CNTNAP2: variants seen among roughly 807,000 people sequenced by gnomAD.
CNTNAP2 encodes contactin-associated protein-like 2.
CNTNAP2 carries 98 observed loss-of-function variants against 155.2 expected under a neutral mutation model. The observed-to-expected ratio is 0.63, with a 90% CI of 0.54 to 0.75. The LOEUF is 0.75. CNTNAP2 is among the 30% of genes least tolerant of loss of function. The probability of loss-of-function intolerance (pLI) is 0.00; values close to 1 mark genes in which losing one functional copy is unlikely to be tolerated. For synonymous variants in CNTNAP2, 651 were observed against 631.2 expected (o/e 1.03, Z -0.47); for missense variants, 1,727 against 1,688.1 (o/e 1.02, Z -0.40).
chr7:148,402,237 A>C (rs1446099517), intron 22 of CNTNAP2, among the ~76,000 whole-genome samples: 1 of 152,260 alleles, frequency 6.6e-6, no homozygotes, highest in Non-Finnish European at 1.5e-5. Flanking sequence ...CTGGAAATGT[A>C]AAGCTTGTTT....
At chr7:146,984,636 C>G (rs556155919) in intron 3 of CNTNAP2, among the ~76,000 whole-genome samples, 1 of 152,248 alleles carries the variant, frequency 6.6e-6, no homozygotes, top group African/African-American at 2.4e-5. Context: ...TCCTACATCT[C>G]CACGGCAAGG....
At chr7:146,885,882 C>G (rs1795646325) in intron 3 of CNTNAP2, among the ~76,000 whole-genome samples, 1 of 150,924 alleles carries the variant, frequency 6.6e-6, no homozygotes, top group Non-Finnish European at 1.5e-5. Flanking sequence ...CAGGATAGAA[C>G]TTGTCGTGTT....
In CNTNAP2 at chr7:148,055,312, G is replaced by C. The variant is rs551853268; in HGVS notation, c.2384-62806G>C. Among the ~76,000 whole-genome samples, 149 of 152,218 alleles carry C rather than the reference G, an allele frequency of 9.8e-4. 1 individual carries two copies. Among genetic ancestry groups the C allele is most frequent in the African/African-American group, 3.6e-3 (149 of 41,538 alleles). On this transcript the variant is annotated intron_variant, in intron 15 of 23. Coordinates refer to ENST00000361727, the MANE Select transcript of CNTNAP2 (RefSeq NM_014141.6). Reference sequence around the variant, plus strand: ...TGATGGTAACTGATCACTAACTTTTGAAGTGCGTTGGGTTGGACTCAGTAA... The same window carrying C: ...TGATGGTAACTGATCACTAACTTTTCAAGTGCGTTGGGTTGGACTCAGTAA...
At chr7:147,023,063 A>G (rs1798842988) in intron 3 of CNTNAP2, among the ~76,000 whole-genome samples, 1 of 152,200 alleles carries the variant, frequency 6.6e-6, no homozygotes, top group Non-Finnish European at 1.5e-5. Flanking sequence ...TACAGGGTTC[A>G]GGGTTCCTTG....
intron 1 of CNTNAP2, among the ~76,000 whole-genome samples, chr7:146,399,531 C>T (rs1002634617): frequency 6.6e-6 from 1 of 152,132 alleles, no homozygotes; most frequent in Non-Finnish European, 1.5e-5. Context: ...GAAGATTATT[C>T]CACTGTGTAT....
chr7:146,777,839 G>A (rs1017224183), intron 2 of CNTNAP2, among the ~76,000 whole-genome samples: 6 of 152,116 alleles, frequency 3.9e-5, no homozygotes, highest in Non-Finnish European at 8.8e-5. Flanking sequence ...TGGGAGAAGA[G>A]CCATGTAGGG....
intron 3 of CNTNAP2, among the ~76,000 whole-genome samples, chr7:146,995,580 T>C (rs1798293433): frequency 6.6e-6 from 1 of 152,126 alleles, no homozygotes; most frequent in Non-Finnish European, 1.5e-5. Context: ...ATTGCTGTGA[T>C]GAATAATGAT....
chr7:147,468,740 G>A (rs1237449675), intron 10 of CNTNAP2, among the ~76,000 whole-genome samples: 1 of 152,146 alleles, frequency 6.6e-6, no homozygotes, highest in Non-Finnish European at 1.5e-5. Flanking sequence ...TAGAAAAATG[G>A]TTCTGAAACA....
At chr7:147,666,893 G>A (rs1795705305) in intron 13 of CNTNAP2, among the ~76,000 whole-genome samples, 1 of 152,156 alleles carries the variant, frequency 6.6e-6, no homozygotes, top group Admixed American at 6.5e-5. Flanking sequence ...ACAAAATGAT[G>A]GAAGCTGAAA....
intron 1 of CNTNAP2, among the ~76,000 whole-genome samples, chr7:146,596,687 A>C (rs1327765530): frequency 1.4e-5 from 2 of 138,428 alleles, no homozygotes; most frequent in African/African-American, 2.5e-5. Flanking sequence ...ATTCATCACT[A>C]TAACAGTAGT....
intron 1 of CNTNAP2, among the ~76,000 whole-genome samples, chr7:146,305,310 C>T (rs1190169483): frequency 2.0e-5 from 3 of 152,102 alleles, no homozygotes; most frequent in South Asian, 2.1e-4. Context: ...AGTTTTGTTC[C>T]GTTGCTGGCG....
intron 8 of CNTNAP2, among the ~76,000 whole-genome samples, chr7:147,213,480 T>C (rs1056298767): frequency 6.6e-6 from 1 of 152,040 alleles, no homozygotes; most frequent in African/African-American, 2.4e-5. Flanking sequence ...ATCATGTTAG[T>C]ATTATTGCAA....
At chr7:147,800,813 C>T (rs1303362489) in intron 13 of CNTNAP2, among the ~76,000 whole-genome samples, 1 of 152,202 alleles carries the variant, frequency 6.6e-6, no homozygotes, top group Non-Finnish European at 1.5e-5. Context: ...CATATTACTA[C>T]TGTACTTTTT....
chr7:147,983,067 C>T (rs1424476590), intron 15 of CNTNAP2, among the ~76,000 whole-genome samples: 1 of 151,200 alleles, frequency 6.6e-6, no homozygotes, highest in Non-Finnish European at 1.5e-5. Context: ...AAGGCAATGC[C>T]TCGGTCTCCA....
In CNTNAP2 at chr7:146,615,526, G is replaced by A. The variant is rs116582957; in HGVS notation, c.98-158745G>A. ...TAAATACATACAAAAATGTAGCAAT[G>A]AAATAATTGGTTGCAGGTGCTGTTG... On this transcript the variant is annotated intron_variant, in intron 1 of 23. Coordinates refer to ENST00000361727, the MANE Select transcript of CNTNAP2 (RefSeq NM_014141.6). Among the ~76,000 whole-genome samples, 119 of 152,308 alleles carry A rather than the reference G, an allele frequency of 7.8e-4. 1 individual carries two copies. The highest frequency in any genetic ancestry group is 2.8e-3 in the African/African-American group (115 of 41,580).
At chr7:146,521,592 C>G (rs760826318) in intron 1 of CNTNAP2, among the ~76,000 whole-genome samples, 4 of 151,934 alleles carry the variant, frequency 2.6e-5, no homozygotes, top group African/African-American at 4.8e-5. Context: ...AATAAATACA[C>G]TCTGTCACTA....
At chr7:146,868,428 T>G (rs967043972) in intron 3 of CNTNAP2, among the ~76,000 whole-genome samples, 3 of 152,220 alleles carry the variant, frequency 2.0e-5, no homozygotes, top group African/African-American at 7.2e-5. Flanking sequence ...AGCCTTGTAG[T>G]ATAGTTTAAA....
At chr7:146,152,057 T>C (rs1193525759) in intron 1 of CNTNAP2, among the ~76,000 whole-genome samples, 1 of 151,980 alleles carries the variant, frequency 6.6e-6, no homozygotes, top group African/African-American at 2.4e-5. Context: ...AAAAGATATT[T>C]GTACTTTTAT....
At chr7:147,053,590 G>A (rs1044786714) in intron 4 of CNTNAP2, among the ~76,000 whole-genome samples, 4 of 151,992 alleles carry the variant, frequency 2.6e-5, no homozygotes, top group African/African-American at 9.7e-5. Flanking sequence ...AATCAAGAGT[G>A]TCGATTTAAA....
Sources: gnomAD v4.1 joint callset for allele counts (sites outside exome capture counted in the v4.1 genomes callset) on GRCh38, gnomAD v4.1.1 for gene constraint, MANE v1.5 for transcripts, NCBI Gene and HGNC (gene_info 2026-07-23, HGNC 2026-07-21) for gene names.